PTGFRN: variants seen among roughly 807,000 people sequenced by gnomAD.
PTGFRN encodes the protein prostaglandin F2 receptor inhibitor, also known as prostaglandin F2 receptor negative regulator.
Under a neutral mutation model 83.2 loss-of-function variants are expected in PTGFRN, and 35 were observed. The observed-to-expected ratio is 0.42, with a 90% CI of 0.32 to 0.56. The LOEUF is 0.56. Among genes scored for constraint, PTGFRN ranks in the 20% least tolerant of loss-of-function variants. The pLI is 0.11. For synonymous variants in PTGFRN, 519 were observed against 498.6 expected (o/e 1.04, Z -0.55); for missense variants, 1,051 against 1,179.5 (o/e 0.89, Z 1.60).
intron 1 of PTGFRN, among the ~76,000 whole-genome samples, chr1:116,927,089 A>G (rs1267349717): frequency 1.3e-5 from 2 of 152,202 alleles, no homozygotes; most frequent in Non-Finnish European, 2.9e-5. Context: ...GGAAGAAAAC[A>G]GAAGCAGAAA....
rs1650053484 is a variant in PTGFRN, at chr1:116,941,356, CT to C, written c.50-355del. On this transcript the variant is annotated intron_variant, in intron 1 of 8. Transcript: ENST00000393203. The surrounding 1 kb of genome is among the most constrained non-coding windows in gnomAD (Gnocchi z 5.0). ...ATGTAAACACTTGACTGGCTGTGCCCTTTTATTTCACACAAAACCTAAAATA... is the reference window on the plus strand; with the variant it reads ...ATGTAAACACTTGACTGGCTGTGCCCTTTATTTCACACAAAACCTAAAATA... Among the ~76,000 whole-genome samples the C allele has an allele frequency of 1.3e-5, 2 of 152,096 alleles. No homozygotes were observed. Among genetic ancestry groups the C allele is most frequent in the Non-Finnish European group, 2.9e-5 (2 of 68,020 alleles).
intron 5 of PTGFRN, among the ~76,000 whole-genome samples, chr1:116,963,955 T>C (rs1030124303): frequency 3.3e-5 from 5 of 152,094 alleles, no homozygotes; most frequent in African/African-American, 1.2e-4. Context: ...TGGCTATTTT[T>C]TTTTGGTAGA....
At position 116,961,803 on chromosome 1, in the gene PTGFRN, C is replaced by T. The variant is rs758594901; in HGVS notation, c.1639+135C>T. On this transcript the variant is annotated intron_variant, in intron 5 of 8. Transcript: ENST00000393203. This position sits in a 1 kb window ranked among gnomAD's most constrained non-coding sequence, Gnocchi z 5.4. ...TGTGTCCTGGACATTGATCGCCATG[C>T]GACCCGTTGCACATGCTCTTTGGAC... 2.2e-5 allele frequency: 19 copies of T among 873,794 alleles called. No homozygotes were observed. The Admixed American group carries it at 3.7e-4, about 17-fold the overall frequency. 54.1% of individuals were successfully genotyped at this position (873,794 alleles called of 1,614,324 possible). A position where few individuals can be genotyped will look rare whatever the true frequency, so the allele number is the denominator to read the frequency against.
intron 5 of PTGFRN, among the ~76,000 whole-genome samples, chr1:116,965,721 A>G (rs1050902029): frequency 6.6e-6 from 1 of 152,118 alleles, no homozygotes; most frequent in African/African-American, 2.4e-5. Context: ...TCTCTTAAAC[A>G]TTTATCACCA....
intron 1 of PTGFRN, among the ~76,000 whole-genome samples, chr1:116,910,942 T>TA (rs367894243): frequency 6.6e-6 from 1 of 152,294 alleles, no homozygotes; most frequent in Non-Finnish European, 1.5e-5. Context: ...TTCTACCTGT[T>TA]ACTTTCCCTC....
chr1:116,939,204 C>T (rs536178456), intron 1 of PTGFRN, among the ~76,000 whole-genome samples: 127 of 152,376 alleles, frequency 8.3e-4, no homozygotes, highest in African/African-American at 3.0e-3. Context: ...TAGGCCATGC[C>T]CCAGTAGGGG....
intron 1 of PTGFRN, among the ~76,000 whole-genome samples, chr1:116,934,320 T>C (rs959681808): frequency 2.6e-5 from 4 of 151,970 alleles, no homozygotes; most frequent in African/African-American, 9.7e-5. Flanking sequence ...TAATTTTTTC[T>C]GTTGTTGTTA....
intron 2 of PTGFRN, 43 bp downstream of exon 2, chr1:116,942,126 TTC>T: frequency 6.4e-7 from 1 of 1,563,646 alleles, no homozygotes; most frequent in Non-Finnish European, 8.7e-7. Flanking sequence ...GGCCAGACCT[TTC>T]TCTGCCCCTG....
intron 1 of PTGFRN, among the ~76,000 whole-genome samples, chr1:116,928,098 C>G (rs562722439): frequency 3.7e-4 from 57 of 152,296 alleles, no homozygotes; most frequent in South Asian, 3.3e-3. Flanking sequence ...GTCACACTGC[C>G]CCTTCCTCGT....
chr1:116,916,568 A>G (rs977634680), intron 1 of PTGFRN, among the ~76,000 whole-genome samples: 1 of 152,192 alleles, frequency 6.6e-6, no homozygotes, highest in Admixed American at 6.5e-5. Flanking sequence ...CATGATACTG[A>G]TACCCACAGG....
chr1:116,973,739 G>C (rs1183720673), intron 6 of PTGFRN, among the ~76,000 whole-genome samples: 1 of 152,044 alleles, frequency 6.6e-6, no homozygotes, highest in Non-Finnish European at 1.5e-5. Context: ...CTTCTTACCA[G>C]ATTTCAGCCT....
At position 116,986,814 on chromosome 1, in the gene PTGFRN, C is replaced by T; in HGVS notation, c.2487C>T (p.Phe829=). The change falls in exon 9 of 9, where the codon TTC becomes TTT. Residue 829 remains phenylalanine (F), a synonymous_variant. Transcript: ENST00000393203. Reference sequence around the variant, plus strand: ...TCTCCCTCCCAGTGCTGAACGCCTTCAAGTATCCCTTGCTGATCGGCGTCG... The same window carrying T: ...TCTCCCTCCCAGTGCTGAACGCCTTTAAGTATCCCTTGCTGATCGGCGTCG... ...ITVKMDVLNA[F]KYPLLIGVGL... 6.2e-7 allele frequency: 1 copy of T among 1,614,134 alleles called. No individual in the cohort carries two copies. The highest frequency in any genetic ancestry group is 1.1e-5 in the South Asian group (1 of 91,086).
intron 8 of PTGFRN, among the ~76,000 whole-genome samples, 194 bp downstream of exon 8, chr1:116,985,179 G>A (rs1279710022): frequency 6.6e-6 from 1 of 152,162 alleles, no homozygotes; most frequent in Admixed American, 6.5e-5. Context: ...TTGCTATTAT[G>A]TGCTAGTGTC....
At chr1:116,927,587 G>T (rs1649688322) in intron 1 of PTGFRN, among the ~76,000 whole-genome samples, 1 of 145,310 alleles carries the variant, frequency 6.9e-6, no homozygotes, top group Non-Finnish European at 1.5e-5. Context: ...AGGCTGGAGT[G>T]CAGTGGTGCA....
intron 4 of PTGFRN, among the ~76,000 whole-genome samples, chr1:116,955,186 G>C (rs540275329): frequency 3.0e-4 from 46 of 152,310 alleles, no homozygotes; most frequent in African/African-American, 1.0e-3. Flanking sequence ...TTTGGAGTCT[G>C]TGCATAGCTT....
rs944344869 is a variant in PTGFRN, at chr1:116,961,490, C to CT, written c.1464dup (p.Ile489TyrfsTer4). On this transcript the variant is annotated frameshift_variant, in exon 5 of 9. Coordinates refer to ENST00000393203, the MANE Select transcript of PTGFRN (RefSeq NM_020440.4). LOFTEE classifies it high-confidence loss of function. This position sits in a 1 kb window ranked among gnomAD's most constrained non-coding sequence, Gnocchi z 5.4. ...GCAAGCAGCGGGCCCAGGATGGAGACTTTATTTTTTCTAAGGAACATACAG... is the reference window on the plus strand; with the variant it reads ...GCAAGCAGCGGGCCCAGGATGGAGACTTTTATTTTTTCTAAGGAACATACAG... 1 of 1,614,082 alleles carries CT rather than the reference C, an allele frequency of 6.2e-7. No homozygotes were observed. The highest frequency in any genetic ancestry group is 8.5e-7 in the Non-Finnish European group (1 of 1,180,002).
chr1:116,974,435 C>T, intron 7 of PTGFRN, 112 bp downstream of exon 7: 1 of 798,258 alleles, frequency 1.3e-6, no homozygotes, highest in Non-Finnish European at 2.1e-6. Context: ...TCTATTTATC[C>T]CCTAACTGCC....
At position 116,923,971 on chromosome 1, in the gene PTGFRN, A is replaced by G. The variant is rs1226194205; in HGVS notation, c.49+13719A>G. On this transcript the variant is annotated intron_variant, in intron 1 of 8. Transcript: ENST00000393203. This position sits in a 1 kb window ranked among gnomAD's most constrained non-coding sequence, Gnocchi z 4.0. ...ACACACAGGAAGAGAGGTGGCATGG[A>G]CGAAGTGTCATCCAAGGATTGTTAA... is the stretch of plus-strand genomic sequence containing the variant. Among the ~76,000 whole-genome samples, 1 of 152,170 alleles carries G rather than the reference A, an allele frequency of 6.6e-6. No homozygotes were observed. The highest frequency in any genetic ancestry group is 6.5e-5 in the Admixed American group (1 of 15,268).
At chr1:116,945,133 G>T in intron 3 of PTGFRN, 41 bp downstream of exon 3, 1 of 1,558,246 alleles carries the variant, frequency 6.4e-7, no homozygotes, top group South Asian at 1.2e-5. Context: ...GTTATTTTGT[G>T]ACTAATGATA....
Sources: gnomAD v4.1 joint callset for allele counts (sites outside exome capture counted in the v4.1 genomes callset) on GRCh38, gnomAD v4.1.1 for gene constraint, Gnocchi (gnomAD v3.1) non-coding constraint, MANE v1.5 for transcripts, NCBI Gene and HGNC (gene_info 2026-07-23, HGNC 2026-07-21) for gene names.